The following SLC17A5 variants were observed in gnomAD, a reference collection of about 807,000 sequenced individuals.
SLC17A5 encodes the protein sialin.
A neutral mutation model predicts 59.4 loss-of-function variants in SLC17A5; 47 were observed. The observed-to-expected ratio is 0.79, with a 90% CI of 0.63 to 1.01. The LOEUF (loss-of-function observed/expected upper bound fraction) is 1.01, where lower values mean the gene tolerates loss of function less well. Ranked by LOEUF, SLC17A5 falls within the 50% of genes least tolerant of loss-of-function variation. The probability of loss-of-function intolerance (pLI) is 0.00; values close to 1 mark genes in which losing one functional copy is unlikely to be tolerated. For missense variants in SLC17A5, 522 were observed against 595.5 expected (o/e 0.88, Z 1.28); for synonymous variants, 202 against 210.7 (o/e 0.96, Z 0.36).
intron 9 of SLC17A5, among the ~76,000 whole-genome samples, chr6:73,604,425 G>A (rs768058778): frequency 5.3e-5 from 8 of 152,002 alleles, no homozygotes; most frequent in African/African-American, 9.7e-5. Context: ...CCATGAATTC[G>A]GGCAACAAAA....
intron 9 of SLC17A5, among the ~76,000 whole-genome samples, chr6:73,609,614 C>T (rs991439901): frequency 1.1e-4 from 16 of 152,122 alleles, no homozygotes; most frequent in African/African-American, 2.9e-4. Flanking sequence ...CCATGGAGAG[C>T]CCTGAGGACA....
intron 9 of SLC17A5, among the ~76,000 whole-genome samples, chr6:73,608,351 C>G (rs752942082): frequency 4.6e-5 from 7 of 152,052 alleles, no homozygotes; most frequent in Non-Finnish European, 8.8e-5. Flanking sequence ...AGGAAAAGAT[C>G]CTTTTCTTTC....
intron 2 of SLC17A5, among the ~76,000 whole-genome samples, chr6:73,642,246 T>A (rs951836802): frequency 6.6e-6 from 1 of 152,316 alleles, no homozygotes; most frequent in Admixed American, 6.5e-5. Context: ...GGCTTGGGTA[T>A]CTCTGAGCCT....
intron 8 of SLC17A5, among the ~76,000 whole-genome samples, chr6:73,614,089 A>C (rs940906697): frequency 3.3e-5 from 5 of 152,156 alleles, no homozygotes; most frequent in African/African-American, 1.2e-4. Context: ...AACGTGGTGA[A>C]ACCCCGTCTT....
intron 5 of SLC17A5, among the ~76,000 whole-genome samples, 192 bp from the exon 6 acceptor site, chr6:73,635,692 G>C (rs1278492738): frequency 6.6e-6 from 1 of 151,920 alleles, no homozygotes; most frequent in East Asian, 1.9e-4. Flanking sequence ...ATTCTTTAAT[G>C]GGATAATTGC....
chr6:73,596,788 G>A (rs1241595685), intron 10 of SLC17A5, among the ~76,000 whole-genome samples: 1 of 151,506 alleles, frequency 6.6e-6, no homozygotes, highest in African/African-American at 2.4e-5. Flanking sequence ...CCTGGGAGGT[G>A]GAGCTTGCAG....
rs1581964085 is a variant in SLC17A5 at position 73,612,757 on chromosome 6, A to C, written c.1112-2210T>G. On this transcript the variant is annotated intron_variant, in intron 8 of 10. Transcript: ENST00000355773. ...GCCTAACTGATTAGATAGTTTTAAA[A>C]GTTACCTTTCTAGGCCAGGCACAGT... Among the ~76,000 whole-genome samples, 3 of 152,286 alleles carry C rather than the reference A, an allele frequency of 2.0e-5. No homozygotes were observed. In the East Asian group the frequency reaches 5.8e-4, roughly 29 times the overall value.
intron 8 of SLC17A5, among the ~76,000 whole-genome samples, chr6:73,612,165 A>G (rs906626131): frequency 5.4e-5 from 8 of 149,216 alleles, no homozygotes; most frequent in African/African-American, 2.0e-4. Context: ...GGCATGTGCC[A>G]CCATGCCTGG....
In SLC17A5 at chr6:73,595,110, C is replaced by T; in HGVS notation, c.1455G>A (p.Trp485Ter). 2 of 1,614,014 alleles carry T rather than the reference C, an allele frequency of 1.2e-6. No homozygotes were observed. Among genetic ancestry groups the T allele is most frequent in the African/African-American group, 2.7e-5 (2 of 74,996 alleles). The change falls in exon 11 of 11, where the codon TGG becomes TGA. Residue 485 changes from tryptophan to a stop codon, truncating the protein, a stop_gained. Coordinates refer to ENST00000355773, the MANE Select transcript of SLC17A5 (RefSeq NM_012434.5). LOFTEE classifies it high-confidence loss of function. ...TGTGTCCATGGTGATCATTGAGAGCCCAGTTTTGTACTTCACCTTTGGCGA... is the reference window on the plus strand; with the variant it reads ...TGTGTCCATGGTGATCATTGAGAGCTCAGTTTTGTACTTCACCTTTGGCGA... ...TLFAKGEVQN[W>*]ALNDHHGHRH
At chr6:73,629,267 C>T (rs1281682869) in intron 6 of SLC17A5, among the ~76,000 whole-genome samples, 6 of 151,910 alleles carry the variant, frequency 3.9e-5, no homozygotes, top group Non-Finnish European at 8.8e-5. Flanking sequence ...ACACACCTGT[C>T]GTCCCAACTA....
rs959684925 is a variant in SLC17A5, at chr6:73,594,753, A to G, written c.*324T>C. The G allele has an allele frequency of 6.0e-6, 2 of 332,552 alleles. No individual in the cohort carries two copies. The highest frequency in any genetic ancestry group is 5.7e-6 in the Non-Finnish European group (1 of 176,504). 20.6% of individuals were successfully genotyped at this position (332,552 alleles called of 1,614,324 possible). A position where few individuals can be genotyped will look rare whatever the true frequency, so the allele number is the denominator to read the frequency against. ...GAATTATCATCTAGTTTAATTAAGC[A>G]AAGGTATCAGGAGGTCTGTTTCAGC... On this transcript the variant is annotated 3_prime_UTR_variant, in exon 11 of 11. Coordinates refer to ENST00000355773, the MANE Select transcript of SLC17A5 (RefSeq NM_012434.5).
rs368359854 is a variant in SLC17A5, at chr6:73,653,866, G to A, written c.21C>T (p.Asp7=). The A allele has an allele frequency of 6.3e-5, 102 of 1,607,216 alleles. No individual in the cohort carries two copies. Among genetic ancestry groups the A allele is most frequent in the Non-Finnish European group, 8.2e-5 (97 of 1,177,654 alleles). The change falls in exon 1 of 11, where the codon GAC becomes GAT. Residue 7 remains aspartate (D), a synonymous_variant. Coordinates refer to ENST00000355773, the MANE Select transcript of SLC17A5 (RefSeq NM_012434.5). MRSPVR[D]LARNDGEEST... ...TCTCCTCGCCATCGTTCCGGGCCAG[G>A]TCTCGAACCGGAGACCTCATGACGC...
intron 5 of SLC17A5, among the ~76,000 whole-genome samples, chr6:73,635,827 G>A (rs923018901): frequency 8.0e-5 from 12 of 150,192 alleles, no homozygotes; most frequent in African/African-American, 2.7e-4. Flanking sequence ...TGCAACCTCC[G>A]CCTGCTGGGT....
At chr6:73,651,477 A>AC (rs1562003387) in intron 1 of SLC17A5, among the ~76,000 whole-genome samples, 4 of 150,730 alleles carry the variant, frequency 2.7e-5, no homozygotes, top group African/African-American at 4.9e-5. Context: ...AAAAAAAAAA[A>AC]AAAAAAATCA....
chr6:73,601,060 G>T (rs1216210715), intron 9 of SLC17A5, among the ~76,000 whole-genome samples: 1 of 149,818 alleles, frequency 6.7e-6, no homozygotes, highest in African/African-American at 2.5e-5. Context: ...AAAGTGAGGA[G>T]CGTCTCTGCC....
intron 7 of SLC17A5, among the ~76,000 whole-genome samples, chr6:73,617,162 A>G (rs991945414): frequency 6.6e-6 from 1 of 151,984 alleles, no homozygotes; most frequent in Non-Finnish European, 1.5e-5. Flanking sequence ...ATCATGATAC[A>G]TGACTGTAAT....
chr6:73,618,244 GAAATA>G (rs372079299), intron 7 of SLC17A5: 30,798 of 139,810 alleles, frequency 0.22, 3,749 homozygotes, highest in East Asian at 0.25. Context: ...AAAATAAAAT[GAAATA>G]AAATAAAATA....
At position 73,641,930 on chromosome 6, in the gene SLC17A5, A is replaced by C; in HGVS notation, c.292-6T>G. The stretch of plus-strand genomic sequence containing the variant: ...TCCCATTGGTACTTCTTACCCTACA[A>C]AAATCAGAAAAGAATAAAACAATCC... On this transcript the variant is annotated splice_polypyrimidine_tract_variant and splice_region_variant and intron_variant, in intron 2 of 10. Coordinates refer to ENST00000355773, the MANE Select transcript of SLC17A5 (RefSeq NM_012434.5). 1 of 1,610,850 alleles carries C rather than the reference A, an allele frequency of 6.2e-7. No individual in the cohort carries two copies. The highest frequency in any genetic ancestry group is 8.5e-7 in the Non-Finnish European group (1 of 1,177,000).
intron 7 of SLC17A5, among the ~76,000 whole-genome samples, chr6:73,619,734 T>A (rs946196698): frequency 6.6e-6 from 1 of 152,116 alleles, no homozygotes; most frequent in South Asian, 2.1e-4. Flanking sequence ...TTTTTGTCTA[T>A]GAAAATGCAA....
Sources: gnomAD v4.1 joint callset for allele counts (sites outside exome capture counted in the v4.1 genomes callset) on GRCh38, gnomAD v4.1.1 for gene constraint, MANE v1.5 for transcripts, NCBI Gene and HGNC (gene_info 2026-07-23, HGNC 2026-07-21) for gene names.